Variants in PPP6C observed in about 807,000 individuals in gnomAD.
PPP6C encodes the protein protein phosphatase 6 catalytic subunit.
In PPP6C, 11 loss-of-function variants were observed where a neutral mutation model predicts 39.8. That is an observed-to-expected ratio of 0.28 (90% confidence interval 0.17 to 0.46). PPP6C has a LOEUF of 0.46. Among genes scored for constraint, PPP6C ranks in the 20% least tolerant of loss-of-function variants. The pLI is 1.00. For missense variants in PPP6C, 211 were observed against 373.9 expected, an observed-to-expected ratio of 0.56 and a Z score of 3.59; for synonymous variants, 129 against 130.3, an observed-to-expected ratio of 0.99 and a Z score of 0.07.
intron 1 of PPP6C, among the ~76,000 whole-genome samples, chr9:125,187,426 G>A (rs1345425138): frequency 6.6e-6 from 1 of 151,676 alleles, no homozygotes; most frequent in Non-Finnish European, 1.5e-5. Flanking sequence ...TGGGATTACA[G>A]GCACCTACCA....
chr9:125,184,577 G>A (rs1461896638), intron 1 of PPP6C, among the ~76,000 whole-genome samples: 1 of 151,156 alleles, frequency 6.6e-6, no homozygotes, highest in African/African-American at 2.4e-5. Flanking sequence ...AAAAAAAGAA[G>A]AAGAAGAAAC....
intron 4 of PPP6C, among the ~76,000 whole-genome samples, chr9:125,157,542 C>A (rs1214806349): frequency 6.6e-6 from 1 of 152,080 alleles, no homozygotes; most frequent in Non-Finnish European, 1.5e-5. Context: ...CATATATAAA[C>A]ACACATAAAC....
chr9:125,153,640 T>C lies in PPP6C; in HGVS notation c.562A>G (p.Lys188Glu). The C allele has an allele frequency of 3.7e-6, 6 of 1,614,200 alleles. No homozygotes were observed. The highest frequency in any genetic ancestry group is 5.1e-6 in the Non-Finnish European group (6 of 1,180,028). Residue 188 changes from lysine to glutamate, a missense_variant, in exon 6 of 7, where the codon AAA (lysine) becomes GAA (glutamate). Lys to Glu is a moderately conservative substitution (Grantham distance 56). Transcript: ENST00000373547. ...CAAACCAGATCACAAAATGCTCCTT[T>C]ATGAGGAATTTCCTGATTCCGTTCG... The part of the protein sequence containing the change: ...TIERNQEIPH[K>E]GAFCDLVWSD...
At chr9:125,152,272 C>G (rs1356420763) in intron 6 of PPP6C, among the ~76,000 whole-genome samples, 1 of 152,090 alleles carries the variant, frequency 6.6e-6, no homozygotes, top group Non-Finnish European at 1.5e-5. Context: ...TGATCCTTTC[C>G]TGGCCAAAGA....
intron 4 of PPP6C, among the ~76,000 whole-genome samples, chr9:125,155,167 C>T (rs1464434033): frequency 6.6e-6 from 1 of 152,078 alleles, no homozygotes; most frequent in African/African-American, 2.4e-5. Flanking sequence ...CAGCCTCCCA[C>T]AGTGCTGAGA....
intron 1 of PPP6C, 74 bp downstream of exon 1, chr9:125,189,570 G>A: frequency 1.2e-6 from 2 of 1,602,506 alleles, no homozygotes; most frequent in South Asian, 2.2e-5. Flanking sequence ...ACCCGGCGGG[G>A]GTCCTGGAGA....
chr9:125,171,478 C>CACACACACATATAT (rs1171157245), intron 1 of PPP6C, among the ~76,000 whole-genome samples: 1 of 83,530 alleles, frequency 1.2e-5, no homozygotes, highest in African/African-American at 5.5e-5. Context: ...CACACACACA[C>CACACACACATATAT]ATATATATAT....
chr9:125,173,150 C>T (rs1829211798), intron 1 of PPP6C, among the ~76,000 whole-genome samples: 2 of 151,938 alleles, frequency 1.3e-5, no homozygotes, highest in East Asian at 3.9e-4. Context: ...TGGTGAATCA[C>T]GCCTGTAATC....
intron 1 of PPP6C, among the ~76,000 whole-genome samples, chr9:125,187,576 C>T (rs1466590830): frequency 1.3e-5 from 2 of 151,888 alleles, no homozygotes; most frequent in East Asian, 3.9e-4. Context: ...GTGCCCTAGA[C>T]ACATTTTCAT....
intron 2 of PPP6C, among the ~76,000 whole-genome samples, chr9:125,167,380 A>T (rs1225915286): frequency 1.6e-5 from 1 of 63,110 alleles, no homozygotes; most frequent in Non-Finnish European, 3.6e-5. Context: ...GACCCTGTCC[A>T]AAAAAAAAAA....
intron 1 of PPP6C, among the ~76,000 whole-genome samples, chr9:125,182,608 T>A (rs968722726): frequency 6.6e-6 from 1 of 151,992 alleles, no homozygotes; most frequent in Non-Finnish European, 1.5e-5. Flanking sequence ...GACCATGATA[T>A]TCACACGCTT....
chr9:125,164,728 T>C (rs567770410), intron 2 of PPP6C, among the ~76,000 whole-genome samples: 1 of 152,276 alleles, frequency 6.6e-6, no homozygotes, highest in African/African-American at 2.4e-5. Flanking sequence ...TGTACCACTT[T>C]ACCCAGCCTG....
At chr9:125,167,391 A>G (rs1222155264) in intron 2 of PPP6C, among the ~76,000 whole-genome samples, 1 of 148,158 alleles carries the variant, frequency 6.7e-6, no homozygotes, top group Non-Finnish European at 1.5e-5. Flanking sequence ...AAAAAAAAAA[A>G]AAAAAAAAGA....
At chr9:125,167,821 G>C (rs1012310560) in intron 2 of PPP6C, among the ~76,000 whole-genome samples, 1 of 56,980 alleles carries the variant, frequency 1.8e-5, no homozygotes, top group African/African-American at 6.5e-5. Flanking sequence ...GAGGTCAGGA[G>C]TTTGAGATGG....
chr9:125,151,118 T>A, intron 6 of PPP6C: 1 of 1,369,392 alleles, frequency 7.3e-7, no homozygotes, highest in Non-Finnish European at 1.0e-6. Flanking sequence ...AGGGAGAATA[T>A]CTCTGAGCAG....
chr9:125,172,720 A>AACACACACACAC, intron 1 of PPP6C, among the ~76,000 whole-genome samples: 1 of 144,788 alleles, frequency 6.9e-6, no homozygotes, highest in Non-Finnish European at 1.5e-5. Flanking sequence ...AATACACACA[A>AACACACACACAC]ACACACACAC....
intron 1 of PPP6C, among the ~76,000 whole-genome samples, chr9:125,174,951 T>C (rs1322733190): frequency 3.3e-5 from 5 of 151,784 alleles, no homozygotes; most frequent in Non-Finnish European, 5.9e-5. Flanking sequence ...CTCACATCTG[T>C]AATCCCAGCA....
chr9:125,172,727 AC>A (rs1829200571), intron 1 of PPP6C, among the ~76,000 whole-genome samples: 3 of 127,982 alleles, frequency 2.3e-5, no homozygotes, highest in South Asian at 2.1e-4. Flanking sequence ...ACAAACACAC[AC>A]ACACACACAC....
chr9:125,165,347 T>C (rs537137935), intron 2 of PPP6C, among the ~76,000 whole-genome samples: 1 of 152,080 alleles, frequency 6.6e-6, no homozygotes, highest in East Asian at 1.9e-4. Context: ...TGCAGTGAGC[T>C]GAGATCACAC....
Sources: allele counts gnomAD v4.1 joint callset (sites outside exome capture counted in the v4.1 genomes callset), GRCh38; gene constraint gnomAD v4.1.1; transcripts MANE v1.5; gene names NCBI Gene and HGNC (gene_info 2026-07-23, HGNC 2026-07-21).